Variants in WWOX observed in about 807,000 individuals in gnomAD.
WWOX encodes the protein WW domain-containing oxidoreductase.
Under a neutral mutation model 46.2 loss-of-function variants are expected in WWOX, and 69 were observed. That is an observed-to-expected ratio of 1.49 (90% CI 1.23 to 1.82). The LOEUF is 1.82. Ranked by LOEUF, WWOX falls within the 40% of genes most tolerant of loss-of-function variation. The pLI, the probability that WWOX is intolerant of heterozygous loss-of-function variation, is 0.00. For missense variants in WWOX, 919 were observed against 542.6 expected (o/e 1.69, Z -6.89); for synonymous variants, 359 against 202.6 (o/e 1.77, Z -6.56).
chr16:79,093,093 G>T (rs73575143), intron 8 of WWOX, among the ~76,000 whole-genome samples: 10 of 152,192 alleles, frequency 6.6e-5, no homozygotes, highest in Non-Finnish European at 1.3e-4. Context: ...TGTTGGTTAC[G>T]TAACTGTGGT....
intron 8 of WWOX, among the ~76,000 whole-genome samples, chr16:78,647,761 C>G (rs375004723): frequency 9.2e-5 from 14 of 152,222 alleles, no homozygotes; most frequent in African/African-American, 2.7e-4. Flanking sequence ...CCAGATCTAA[C>G]TGGACCCAAG....
At chr16:78,798,117 A>C (rs1002979441) in intron 8 of WWOX, among the ~76,000 whole-genome samples, 2 of 152,188 alleles carry the variant, frequency 1.3e-5, no homozygotes, top group Non-Finnish European at 2.9e-5. Context: ...TGCTCATGTT[A>C]TATAGGGAGC....
At chr16:78,937,520 C>T (rs983708588) in intron 8 of WWOX, among the ~76,000 whole-genome samples, 4 of 139,520 alleles carry the variant, frequency 2.9e-5, no homozygotes, top group Non-Finnish European at 3.0e-5. Flanking sequence ...GTCTCAAACT[C>T]CTGAGTTCAA....
Position 78,321,292 on chromosome 16 carries a change from GTATATATATA to G in WWOX, c.517-65567_517-65558del, listed in dbSNP as rs1567498979. Among the ~76,000 whole-genome samples, 7 of 68,838 alleles carry G rather than the reference GTATATATATA, an allele frequency of 1.0e-4. 1 individual carries two copies. Among genetic ancestry groups the G allele is most frequent in the African/African-American group, 4.1e-4 (7 of 17,048 alleles). 45.2% of individuals were successfully genotyped at this position (68,838 alleles called of 152,430 possible). A position where few individuals can be genotyped will look rare whatever the true frequency, so the allele number is the denominator to read the frequency against. The stretch of plus-strand genomic sequence containing the variant: ...TAGTTTTTTAAATATATATATATAC[GTATATATATA>G]CGTATATATATGCGTATATATATAC... On this transcript the variant is annotated intron_variant, in intron 5 of 8. Transcript: ENST00000566780.
rs112411927 is a variant in WWOX, at chr16:79,029,216, C to A, written c.1057-182392C>A. On this transcript the variant is annotated intron_variant, in intron 8 of 8. Transcript: ENST00000566780. ...TACAGATGCACAGGAGACCTTTGCC[C>A]CACCCCGTCACGGCTGGGCCTACTC... Among the ~76,000 whole-genome samples the A allele has an allele frequency of 3.3e-5, 5 of 152,220 alleles. 1 individual carries two copies. Among genetic ancestry groups the A allele is most frequent in the African/African-American group, 1.2e-4 (5 of 41,552 alleles).
intron 8 of WWOX, among the ~76,000 whole-genome samples, chr16:78,616,702 G>C (rs753376614): frequency 2.0e-5 from 3 of 152,022 alleles, no homozygotes; most frequent in Non-Finnish European, 4.4e-5. Context: ...GGAGGCAGTG[G>C]TTGCAGTGAG....
At chr16:79,137,088 C>A (rs1450841770) in intron 8 of WWOX, among the ~76,000 whole-genome samples, 1 of 152,182 alleles carries the variant, frequency 6.6e-6, no homozygotes, top group Non-Finnish European at 1.5e-5. Flanking sequence ...ATTCCGGTTT[C>A]ATTAATATGA....
intron 8 of WWOX, among the ~76,000 whole-genome samples, chr16:78,992,148 C>G (rs2046900048): frequency 6.6e-6 from 1 of 152,186 alleles, no homozygotes. Flanking sequence ...GTCCTTGAGG[C>G]ATTCACAGGT....
intron 8 of WWOX, among the ~76,000 whole-genome samples, chr16:79,001,432 G>A (rs928665938): frequency 5.3e-5 from 8 of 152,198 alleles, no homozygotes; most frequent in Non-Finnish European, 8.8e-5. Context: ...GTTCTGTGAA[G>A]CCAGATATTG....
chr16:78,376,928 C>G (rs934907582), intron 5 of WWOX, among the ~76,000 whole-genome samples: 1 of 152,212 alleles, frequency 6.6e-6, no homozygotes, highest in Non-Finnish European at 1.5e-5. Flanking sequence ...TGAACCAGAA[C>G]AGACAAATCT....
At chr16:78,500,613 A>G (rs2085037844) in intron 8 of WWOX, among the ~76,000 whole-genome samples, 1 of 152,188 alleles carries the variant, frequency 6.6e-6, no homozygotes, top group African/African-American at 2.4e-5. Flanking sequence ...GGGTAGGTAG[A>G]TGACTCATTA....
chr16:79,183,619 A>T (rs1209476476), intron 8 of WWOX, among the ~76,000 whole-genome samples: 1 of 152,178 alleles, frequency 6.6e-6, no homozygotes, highest in African/African-American at 2.4e-5. Context: ...TTAATAACAT[A>T]CTAAGTGGCA....
intron 8 of WWOX, among the ~76,000 whole-genome samples, chr16:78,820,353 G>T (rs2051460414): frequency 6.6e-6 from 1 of 152,182 alleles, no homozygotes; most frequent in Non-Finnish European, 1.5e-5. Context: ...GTGGTGCCCT[G>T]AATACGCCAG....
At chr16:78,336,330 CAAAAA>C (rs35010158) in intron 5 of WWOX, among the ~76,000 whole-genome samples, 1 of 131,098 alleles carries the variant, frequency 7.6e-6, no homozygotes, top group Non-Finnish European at 1.6e-5. Flanking sequence ...AAAATAACAC[CAAAAA>C]AAAAAAAAAA....
intron 8 of WWOX, among the ~76,000 whole-genome samples, chr16:78,593,114 G>A (rs140117148): frequency 6.6e-6 from 1 of 152,124 alleles, no homozygotes; most frequent in Non-Finnish European, 1.5e-5. Flanking sequence ...GGACCCACTG[G>A]GAGTTTGTGC....
rs185832650 is a variant in WWOX at position 78,838,647 on chromosome 16, G to A, written c.1057-372961G>A. On this transcript the variant is annotated intron_variant, in intron 8 of 8. Transcript: ENST00000566780. ...ACCTGAGGTCCGGAGTTCCAGACCAGCCTGACCAATATAGTGAAACCCCAT... is the reference window on the plus strand; with the variant it reads ...ACCTGAGGTCCGGAGTTCCAGACCAACCTGACCAATATAGTGAAACCCCAT... Among the ~76,000 whole-genome samples, 399 of 152,260 alleles carry A rather than the reference G, an allele frequency of 2.6e-3. 4 individuals are homozygous for A. In the Middle Eastern group the frequency reaches 0.034, roughly 13 times the overall value.
rs141292249 is a variant in WWOX at position 79,070,846 on chromosome 16, G to A, written c.1057-140762G>A. Among the ~76,000 whole-genome samples the A allele has an allele frequency of 5.8e-4, 88 of 152,252 alleles. 1 individual carries two copies. Among genetic ancestry groups the A allele is most frequent in the African/African-American group, 2.0e-3 (83 of 41,542 alleles). ...AGTGATTCTATATTGGTGAGGGAGTGGAAGAGAAATGTGGGTGTGTTGACT... is the reference window on the plus strand; with the variant it reads ...AGTGATTCTATATTGGTGAGGGAGTAGAAGAGAAATGTGGGTGTGTTGACT... On this transcript the variant is annotated intron_variant, in intron 8 of 8. Coordinates refer to ENST00000566780, the MANE Select transcript of WWOX (RefSeq NM_016373.4).
intron 8 of WWOX, among the ~76,000 whole-genome samples, chr16:78,745,527 T>C (rs1412186671): frequency 5.9e-4 from 88 of 149,422 alleles, no homozygotes; most frequent in African/African-American, 2.1e-3. Context: ...AAATCCTTTT[T>C]TTTTTTTTTT....
chr16:78,830,506 C>G (rs985331384), intron 8 of WWOX, among the ~76,000 whole-genome samples: 13 of 151,934 alleles, frequency 8.6e-5, no homozygotes, highest in East Asian at 1.9e-4. Flanking sequence ...TTAGAGTAAA[C>G]AAATTACCCA....
Sources: gnomAD v4.1 joint callset for allele counts (sites outside exome capture counted in the v4.1 genomes callset) on GRCh38, gnomAD v4.1.1 for gene constraint, MANE v1.5 for transcripts, NCBI Gene and HGNC (gene_info 2026-07-23, HGNC 2026-07-21) for gene names.